NPRL3: variants seen among roughly 807,000 people sequenced by gnomAD.
NPRL3 encodes the protein NPR3 like, GATOR1 complex subunit.
In NPRL3, 23 loss-of-function variants were observed where a neutral mutation model predicts 57.2. That is an observed-to-expected ratio of 0.40 (90% confidence interval 0.29 to 0.57). The LOEUF (loss-of-function observed/expected upper bound fraction) is 0.57. Ranked by LOEUF, NPRL3 falls within the 20% of genes least tolerant of loss-of-function variation. The pLI is 0.42. For missense variants in NPRL3, 691 were observed against 767.1 expected, an observed-to-expected ratio of 0.90 and a Z score of 1.17; for synonymous variants, 333 against 321.1, an observed-to-expected ratio of 1.04 and a Z score of -0.39.
chr16:100,775 C>T (rs1315646213), intron 7 of NPRL3, among the ~76,000 whole-genome samples: 1 of 23,776 alleles, frequency 4.2e-5, no homozygotes, highest in Non-Finnish European at 7.5e-5. Flanking sequence ...CGAGACCAGC[C>T]TGGCTAATAA....
Position 86,716 on chromosome 16 carries a change from G to A in NPRL3, c.1699C>T (p.Leu567=). The change falls in exon 14 of 14, where the codon CTG becomes TTG. Residue 567 remains leucine, a synonymous_variant. Transcript: ENST00000611875. The part of the protein sequence containing the change: ...EDPVIAVFQA[L]LP ...CCCTCCGCCTGGGCTCAGGGGAGCAGAGCCTGGAAGACGGCAATGACAGGG... is the reference window on the plus strand; with the variant it reads ...CCCTCCGCCTGGGCTCAGGGGAGCAAAGCCTGGAAGACGGCAATGACAGGG... 6.4e-7 allele frequency: 1 copy of A among 1,557,580 alleles called. No individual in the cohort carries two copies. Among genetic ancestry groups the A allele is most frequent in the Non-Finnish European group, 8.7e-7 (1 of 1,151,570 alleles).
intron 9 of NPRL3, among the ~76,000 whole-genome samples, chr16:96,258 GCA>G (rs1567132660): frequency 6.6e-6 from 1 of 152,172 alleles, no homozygotes; most frequent in Non-Finnish European, 1.5e-5. Flanking sequence ...AGGATGAGAG[GCA>G]CAGTGTCCAG....
At position 99,716 on chromosome 16, in the gene NPRL3, G is replaced by A. The variant is rs1899187196; in HGVS notation, c.767+656C>T. On this transcript the variant is annotated intron_variant, in intron 8 of 13. Transcript: ENST00000611875. ...GATGAGCGATGAGTGGATCACCTGA[G>A]GTCAGGAGTTCGAGACCAGTCTGGC... Among the ~76,000 whole-genome samples the A allele has an allele frequency of 2.6e-5, 4 of 151,238 alleles. No homozygotes were observed. The South Asian group carries it at 8.3e-4, about 32-fold the overall frequency.
chr16:96,120 AAGG>A (rs1318739155), intron 9 of NPRL3, among the ~76,000 whole-genome samples: 2 of 152,182 alleles, frequency 1.3e-5, no homozygotes, highest in East Asian at 3.9e-4. Flanking sequence ...GGGACATCAA[AAGG>A]AGACCAAAGC....
intron 3 of NPRL3, among the ~76,000 whole-genome samples, chr16:121,765 A>C (rs1900290722): frequency 6.6e-6 from 1 of 152,044 alleles, no homozygotes. Context: ...ACAAACATAT[A>C]ATGACAAAAC....
At chr16:136,442 C>G (rs759534590) in intron 2 of NPRL3, among the ~76,000 whole-genome samples, 13 of 152,074 alleles carry the variant, frequency 8.5e-5, no homozygotes, top group Non-Finnish European at 1.6e-4. Context: ...GTAATCCCAG[C>G]ACTTTGGGAG....
intron 10 of NPRL3, chr16:93,003 T>G: frequency 1.6e-6 from 1 of 613,174 alleles, no homozygotes; most frequent in Non-Finnish European, 2.9e-6. Flanking sequence ...GGGCCAGGCA[T>G]ATGGGGGACA....
intron 13 of NPRL3, 96 bp downstream of exon 13, chr16:88,602 T>G: frequency 9.0e-7 from 1 of 1,106,040 alleles, no homozygotes; most frequent in Admixed American, 2.1e-5. Context: ...CCATCTGTTC[T>G]CAGTGGATTT....
At position 138,216 on chromosome 16, in the gene NPRL3, T is replaced by G. The variant is rs1218964632; in HGVS notation, c.52A>C (p.Arg18=). ...ISVILVSSGS[R]GNKLLFRYPF... ...TACCTGAACAGCAGCTTATTGCCCC[T>G]GCTCCCCGAGCTCACCAGAATCACG... The change falls in exon 2 of 14, where the codon AGG becomes CGG. Residue 18 remains arginine, a synonymous_variant. Coordinates refer to ENST00000611875, the MANE Select transcript of NPRL3 (RefSeq NM_001077350.3). 3.1e-6 allele frequency: 5 copies of G among 1,610,226 alleles called. No homozygotes were observed. In the Admixed American group the frequency reaches 6.7e-5, roughly 22 times the overall value.
chr16:100,344 G>A, intron 8 of NPRL3, 28 bp downstream of exon 8: 1 of 1,468,004 alleles, frequency 6.8e-7, no homozygotes, highest in South Asian at 1.4e-5. Context: ...CCCTGGCAGG[G>A]AGTGAGCACG....
chr16:85,877 T>G lies in NPRL3; in HGVS notation c.*828A>C. The G allele has an allele frequency of 7.8e-7, 1 of 1,285,802 alleles. No individual in the cohort carries two copies. Among genetic ancestry groups the G allele is most frequent in the Non-Finnish European group, 1.0e-6 (1 of 999,252 alleles). 79.6% of individuals were successfully genotyped at this position (1,285,802 alleles called of 1,614,324 possible). ...CCTTAGCCAGAGCTCCTCTAGGTGA[T>G]CAACCCATGTCTGGAGCTAGCTCTT... is the stretch of plus-strand genomic sequence containing the variant. On this transcript the variant is annotated 3_prime_UTR_variant, in exon 14 of 14. Transcript: ENST00000611875.
intron 3 of NPRL3, among the ~76,000 whole-genome samples, chr16:121,994 C>T (rs1002090594): frequency 9.9e-5 from 15 of 152,126 alleles, no homozygotes; most frequent in African/African-American, 3.6e-4. Flanking sequence ...AGGCTGGTCT[C>T]GAACTCCTGA....
chr16:124,656 A>G (rs1461439862), intron 3 of NPRL3, among the ~76,000 whole-genome samples: 1 of 152,254 alleles, frequency 6.6e-6, no homozygotes, highest in African/African-American at 2.4e-5. Context: ...TGTGACTGCC[A>G]GCACACCTGA....
At chr16:110,233 C>T (rs970087921) in intron 7 of NPRL3, among the ~76,000 whole-genome samples, 2 of 152,110 alleles carry the variant, frequency 1.3e-5, no homozygotes, top group African/African-American at 2.4e-5. Context: ...CGTGCCGCTG[C>T]ACTCTAGCCT....
At chr16:124,439 A>G (rs567034532) in intron 3 of NPRL3, among the ~76,000 whole-genome samples, 1 of 151,978 alleles carries the variant, frequency 6.6e-6, no homozygotes, top group Admixed American at 6.5e-5. Flanking sequence ...GGGGTCAAGC[A>G]ATCCTCCTGC....
chr16:110,651 G>A (rs746698203), intron 6 of NPRL3, 45 bp from the exon 7 acceptor site: 26 of 1,493,048 alleles, frequency 1.7e-5, no homozygotes, highest in South Asian at 1.5e-4. Context: ...GGGTTCAAGC[G>A]ATTCTCCTGC....
rs369473961 is a variant in NPRL3, at chr16:89,867, C to T, written c.1197G>A (p.Gln399=). The T allele has an allele frequency of 2.2e-4, 345 of 1,559,322 alleles. 1 individual carries two copies. The highest frequency in any genetic ancestry group is 8.4e-4 in the Middle Eastern group (5 of 5,986). Reference sequence around the variant, plus strand: ...TGTGCAGCTGGATGAGAAGCCGGCGCTGCAGCATCCACACCACCATCTGGA... The same window carrying T: ...TGTGCAGCTGGATGAGAAGCCGGCGTTGCAGCATCCACACCACCATCTGGA... ...QLIQMVVWML[Q]RRLLIQLHTY... The change falls in exon 12 of 14, where the codon CAG becomes CAA. Residue 399 remains glutamine, a synonymous_variant. Coordinates refer to ENST00000611875, the MANE Select transcript of NPRL3 (RefSeq NM_001077350.3).
intron 2 of NPRL3, among the ~76,000 whole-genome samples, chr16:135,393 G>C (rs142201412): frequency 6.6e-6 from 1 of 152,130 alleles, no homozygotes; most frequent in South Asian, 2.1e-4. Context: ...GGCAGATCAC[G>C]AGGTCAGGAG....
chr16:129,198 G>A (rs1900680085), intron 3 of NPRL3, among the ~76,000 whole-genome samples: 1 of 152,172 alleles, frequency 6.6e-6, no homozygotes, highest in Non-Finnish European at 1.5e-5. Flanking sequence ...ATCCACTGCA[G>A]CTTGGAGTAA....
Sources: gnomAD v4.1 joint callset for allele counts (sites outside exome capture counted in the v4.1 genomes callset) on GRCh38, gnomAD v4.1.1 for gene constraint, MANE v1.5 for transcripts, NCBI Gene and HGNC (gene_info 2026-07-23, HGNC 2026-07-21) for gene names.